TENM2: variants seen among roughly 807,000 people sequenced by gnomAD.
TENM2 encodes the protein teneurin-2.
A neutral mutation model predicts 245.2 loss-of-function variants in TENM2; 52 were observed. That is an observed-to-expected ratio of 0.21 (90% confidence interval 0.17 to 0.27). The LOEUF is 0.27. TENM2 is among the 10% of genes least tolerant of loss of function. The pLI is 1.00. For missense variants in TENM2, 3,046 were observed against 3,666.8 expected, an observed-to-expected ratio of 0.83 and a Z score of 4.37; for synonymous variants, 1,363 against 1,438.9, an observed-to-expected ratio of 0.95 and a Z score of 1.19.
intron 2 of TENM2, among the ~76,000 whole-genome samples, chr5:167,533,563 C>A (rs1479386125): frequency 6.6e-6 from 1 of 152,104 alleles, no homozygotes; most frequent in Non-Finnish European, 1.5e-5. Flanking sequence ...AATAAGTGAT[C>A]TTCACACCTT....
chr5:167,872,348 A>C (rs1772937269), intron 2 of TENM2, among the ~76,000 whole-genome samples: 1 of 126,218 alleles, frequency 7.9e-6, no homozygotes, highest in African/African-American at 2.9e-5. Flanking sequence ...GAAAGAAAGA[A>C]AGAAAGGAAA....
chr5:168,150,911 A>G (rs1293420027), intron 12 of TENM2, among the ~76,000 whole-genome samples: 2 of 152,160 alleles, frequency 1.3e-5, no homozygotes, highest in Admixed American at 6.5e-5. Context: ...AAATGATGAT[A>G]ATAATATGTA....
At position 168,241,747 on chromosome 5, in the gene TENM2, T is replaced by C. The variant is rs1766122123; in HGVS notation, c.5521-2673T>C. On this transcript the variant is annotated intron_variant, in intron 25 of 28. Transcript: ENST00000518659. ...CTTATGTAAGATAGTTTCTATGTCATGAAAGTGAAAATGGGATCAGGTATG... is the reference window on the plus strand; with the variant it reads ...CTTATGTAAGATAGTTTCTATGTCACGAAAGTGAAAATGGGATCAGGTATG... Among the ~76,000 whole-genome samples, 3 of 152,164 alleles carry C rather than the reference T, an allele frequency of 2.0e-5. 1 individual carries two copies. The South Asian group carries it at 6.2e-4, about 32-fold the overall frequency.
chr5:167,464,972 A>G (rs772053684), intron 2 of TENM2, among the ~76,000 whole-genome samples: 1 of 152,216 alleles, frequency 6.6e-6, no homozygotes, highest in Non-Finnish European at 1.5e-5. Context: ...TAACTTTTCC[A>G]ATAAAGTGTC....
At chr5:168,148,372 A>G (rs556741457) in intron 12 of TENM2, among the ~76,000 whole-genome samples, 3 of 152,204 alleles carry the variant, frequency 2.0e-5, no homozygotes, top group South Asian at 4.1e-4. Flanking sequence ...TCTGAATACC[A>G]TTGTACAAGC....
At chr5:167,320,936 GACAA>G (rs531231124) in intron 1 of TENM2, among the ~76,000 whole-genome samples, 24 of 107,916 alleles carry the variant, frequency 2.2e-4, no homozygotes, top group South Asian at 3.1e-4. Flanking sequence ...TTCCTGTAAA[GACAA>G]ACAAACAAAA....
chr5:167,510,684 AAG>A (rs1024778147), intron 2 of TENM2, among the ~76,000 whole-genome samples: 6 of 152,094 alleles, frequency 3.9e-5, no homozygotes, highest in African/African-American at 7.2e-5. Flanking sequence ...AAGAAAATGA[AAG>A]AGAGAGGAAA....
intron 2 of TENM2, among the ~76,000 whole-genome samples, chr5:167,873,408 G>C (rs557081225): frequency 6.6e-6 from 1 of 152,096 alleles, no homozygotes; most frequent in Non-Finnish European, 1.5e-5. Context: ...TCATGTAAAT[G>C]GTTAGAGGGT....
chr5:167,719,287 G>A (rs113549636), intron 2 of TENM2, among the ~76,000 whole-genome samples: 153 of 152,286 alleles, frequency 1.0e-3, no homozygotes, highest in African/African-American at 3.3e-3. Flanking sequence ...GACTCCGCGG[G>A]ACCAAGTCCT....
At chr5:167,279,501 TTTCCTTCCTTCCTTTCCTTCCTTCC>T in the TENM2 span, among the ~76,000 whole-genome samples, 1 of 140,914 alleles carries the variant, frequency 7.1e-6, no homozygotes, top group Non-Finnish European at 1.5e-5. Context: ...TTTCTCTTTC[TTTCCTTCCTTCCTTTCCTTCCTTCC>T]TTCCTTCCTT....
At chr5:168,232,576 C>T (rs1765033169) in intron 25 of TENM2, among the ~76,000 whole-genome samples, 4 of 152,208 alleles carry the variant, frequency 2.6e-5, no homozygotes, top group Admixed American at 2.0e-4. Flanking sequence ...AGCAAATAGC[C>T]TGAACGTCCC....
At chr5:167,649,528 C>A (rs72819701) in intron 2 of TENM2, among the ~76,000 whole-genome samples, 2,345 of 152,252 alleles carry the variant, frequency 0.015, 24 homozygotes, top group South Asian at 0.041. Flanking sequence ...GAAAAACACA[C>A]ACACACACAG....
intron 3 of TENM2, among the ~76,000 whole-genome samples, chr5:167,881,409 C>T (rs926032692): frequency 7.2e-5 from 11 of 152,154 alleles, no homozygotes; most frequent in Admixed American, 6.5e-4. Flanking sequence ...AGCTTCACTC[C>T]GTTCTTCAGG....
intron 5 of TENM2, among the ~76,000 whole-genome samples, chr5:168,030,101 C>T (rs1307958269): frequency 6.8e-6 from 1 of 146,918 alleles, no homozygotes; most frequent in Non-Finnish European, 1.5e-5. Context: ...AGGAGGCATG[C>T]TGAGAAAGAA....
In TENM2 at chr5:167,889,073, T is replaced by C. The variant is rs542081114; in HGVS notation, c.712+12878T>C. 3.0e-3 allele frequency among the ~76,000 whole-genome samples: 459 copies of C among 152,152 alleles called. 1 individual carries two copies. The highest frequency in any genetic ancestry group is 0.011 in the African/African-American group (442 of 41,526). On this transcript the variant is annotated intron_variant, in intron 3 of 28. Transcript: ENST00000518659. ...TCCAAAGGCAGACTTCACATCTCTT[T>C]GCTTTAAAAAACAAAACAAAACAAA...
chr5:167,665,276 CAAAT>C (rs1755495654), intron 2 of TENM2, among the ~76,000 whole-genome samples: 1 of 152,060 alleles, frequency 6.6e-6, no homozygotes, highest in Non-Finnish European at 1.5e-5. Flanking sequence ...ATACAGTAAA[CAAAT>C]GAAAGTATTC....
chr5:168,120,387 A>G (rs1449558795), intron 10 of TENM2, among the ~76,000 whole-genome samples: 1 of 152,238 alleles, frequency 6.6e-6, no homozygotes, highest in East Asian at 1.9e-4. Context: ...GCAAAGCTGC[A>G]TTCGCTGAAA....
intron 5 of TENM2, among the ~76,000 whole-genome samples, chr5:168,006,849 C>T (rs1224573859): frequency 6.6e-6 from 1 of 152,166 alleles, no homozygotes; most frequent in African/African-American, 2.4e-5. Flanking sequence ...GTTTACTACA[C>T]ACTTTCCCTT....
chr5:167,706,281 T>A (rs1023292544), intron 2 of TENM2, among the ~76,000 whole-genome samples: 3 of 146,420 alleles, frequency 2.0e-5, no homozygotes, highest in African/African-American at 7.5e-5. Context: ...TATATTATGA[T>A]AAGTATATAT....
Sources: allele counts gnomAD v4.1 joint callset (sites outside exome capture counted in the v4.1 genomes callset), GRCh38; gene constraint gnomAD v4.1.1; transcripts MANE v1.5; gene names NCBI Gene and HGNC (gene_info 2026-07-23, HGNC 2026-07-21).